The following NKAIN3 variants were observed in gnomAD, a reference collection of about 807,000 sequenced individuals.
NKAIN3 encodes the protein sodium/potassium transporting ATPase interacting 3.
In NKAIN3, 25 loss-of-function variants were observed where a neutral mutation model predicts 30.2. The ratio of observed to expected loss-of-function variants is 0.83; its 90% CI spans 0.60 to 1.16. The LOEUF is 1.16. Ranked by LOEUF, NKAIN3 falls within the 50% of genes most tolerant of loss-of-function variation. The probability of loss-of-function intolerance (pLI) is 0.00; values close to 1 mark genes in which losing one functional copy is unlikely to be tolerated. For synonymous variants in NKAIN3, 91 were observed against 89.6 expected (o/e 1.02, Z -0.09); for missense variants, 225 against 254.1 (o/e 0.89, Z 0.78).
At chr8:62,839,873 A>C (rs1353279796) in intron 4 of NKAIN3, among the ~76,000 whole-genome samples, 1 of 152,108 alleles carries the variant, frequency 6.6e-6, no homozygotes, top group Admixed American at 6.6e-5. Context: ...TTGGCCTCCC[A>C]AAGTGCTGAA....
intron 3 of NKAIN3, among the ~76,000 whole-genome samples, chr8:62,733,394 G>A (rs2130549660): frequency 6.6e-6 from 1 of 152,120 alleles, no homozygotes; most frequent in East Asian, 1.9e-4. Flanking sequence ...AAATGCTTTT[G>A]TTTCATCATT....
chr8:62,766,338 G>A (rs571620291), intron 4 of NKAIN3, among the ~76,000 whole-genome samples: 3 of 152,046 alleles, frequency 2.0e-5, no homozygotes, highest in South Asian at 2.1e-4. Flanking sequence ...AATGCTATTC[G>A]GCTTGCCTAG....
At chr8:62,714,274 A>G (rs1814818462) in intron 3 of NKAIN3, among the ~76,000 whole-genome samples, 1 of 152,102 alleles carries the variant, frequency 6.6e-6, no homozygotes. Context: ...TATTTTTAAA[A>G]AGTAAAATAA....
At chr8:62,664,435 A>G (rs1156978064) in intron 3 of NKAIN3, among the ~76,000 whole-genome samples, 2 of 152,122 alleles carry the variant, frequency 1.3e-5, no homozygotes, top group Non-Finnish European at 2.9e-5. Context: ...TGCCCTTGTC[A>G]AGATCTCCTC....
chr8:62,780,275 G>C (rs1001576599), intron 4 of NKAIN3, among the ~76,000 whole-genome samples: 21 of 152,224 alleles, frequency 1.4e-4, no homozygotes, highest in African/African-American at 4.6e-4. Context: ...TAAATAGTGA[G>C]TAATGAGATT....
At chr8:62,744,610 GTTC>G (rs1267053531) in intron 3 of NKAIN3, among the ~76,000 whole-genome samples, 2 of 152,168 alleles carry the variant, frequency 1.3e-5, no homozygotes, top group East Asian at 3.9e-4. Flanking sequence ...ATAATGTATA[GTTC>G]TTCTGTAATG....
At chr8:62,582,107 C>G (rs1486424369) in intron 2 of NKAIN3, among the ~76,000 whole-genome samples, 3 of 139,962 alleles carry the variant, frequency 2.1e-5, no homozygotes, top group African/African-American at 8.1e-5. Context: ...GTCTTTCCTT[C>G]CTTCTTTCCT....
chr8:62,715,333 A>G (rs1220655596), intron 3 of NKAIN3, among the ~76,000 whole-genome samples: 2 of 152,184 alleles, frequency 1.3e-5, no homozygotes, highest in Admixed American at 6.5e-5. Flanking sequence ...GACTAATGTG[A>G]TAATGTCATA....
chr8:62,380,476 G>T (rs1227586126), intron 1 of NKAIN3, among the ~76,000 whole-genome samples: 1 of 152,156 alleles, frequency 6.6e-6, no homozygotes. Context: ...TCCAGCAGGT[G>T]CATGCCCCAC....
intron 3 of NKAIN3, among the ~76,000 whole-genome samples, chr8:62,717,163 A>G (rs924675271): frequency 1.5e-4 from 23 of 152,318 alleles, no homozygotes; most frequent in African/African-American, 5.1e-4. Flanking sequence ...CAGAATGTAG[A>G]GTGTGAAGAG....
chr8:62,413,321 ATGTC>A (rs1222454782), intron 1 of NKAIN3, among the ~76,000 whole-genome samples: 1 of 152,168 alleles, frequency 6.6e-6, no homozygotes, highest in Non-Finnish European at 1.5e-5. Context: ...GTAAGCACAC[ATGTC>A]TGGAGTGTGG....
chr8:62,419,113 A>G lies in NKAIN3; in HGVS notation c.55-160426A>G, dbSNP rs1412679140. On this transcript the variant is annotated intron_variant, in intron 1 of 6. Coordinates refer to ENST00000623646, the MANE Select transcript of NKAIN3 (RefSeq NM_001304533.3). ...AGTCTAACTAAAGGGACGTAGGACTATATACTGGCCATTGATTCAGTGCAT... is the reference window on the plus strand; with the variant it reads ...AGTCTAACTAAAGGGACGTAGGACTGTATACTGGCCATTGATTCAGTGCAT... Among the ~76,000 whole-genome samples, 9 of 152,270 alleles carry G rather than the reference A, an allele frequency of 5.9e-5. No individual in the cohort carries two copies. In the East Asian group the frequency reaches 1.7e-3, roughly 29 times the overall value.
chr8:62,596,802 A>T (rs554066772), intron 3 of NKAIN3, among the ~76,000 whole-genome samples: 3 of 152,072 alleles, frequency 2.0e-5, no homozygotes, highest in Non-Finnish European at 4.4e-5. Flanking sequence ...CTCGAACAGC[A>T]TAGGTTTGAG....
At chr8:62,849,681 A>C (rs1426893412) in intron 4 of NKAIN3, among the ~76,000 whole-genome samples, 1 of 129,616 alleles carries the variant, frequency 7.7e-6, no homozygotes, top group Non-Finnish European at 1.5e-5. Context: ...TTCACTTCCC[A>C]CCTATGAGTG....
At chr8:62,851,932 T>C (rs917158169) in intron 4 of NKAIN3, among the ~76,000 whole-genome samples, 2 of 151,936 alleles carry the variant, frequency 1.3e-5, no homozygotes, top group Non-Finnish European at 2.9e-5. Context: ...TTTGTTGTGT[T>C]TCTGCCAGGC....
At chr8:62,684,256 A>G (rs1189301488) in intron 3 of NKAIN3, among the ~76,000 whole-genome samples, 1 of 152,092 alleles carries the variant, frequency 6.6e-6, no homozygotes, top group Non-Finnish European at 1.5e-5. Flanking sequence ...CAGCACAGAA[A>G]TTCTGGTGTC....
chr8:62,317,820 A>C (rs1369077817), intron 1 of NKAIN3, among the ~76,000 whole-genome samples: 1 of 152,202 alleles, frequency 6.6e-6, no homozygotes, highest in Non-Finnish European at 1.5e-5. Flanking sequence ...GAAGAAAGTC[A>C]TTGGTAGCTT....
chr8:62,697,225 CT>C (rs1814184489), intron 3 of NKAIN3, among the ~76,000 whole-genome samples: 1 of 152,180 alleles, frequency 6.6e-6, no homozygotes, highest in Non-Finnish European at 1.5e-5. Context: ...ATCTACAGAG[CT>C]ATCTCTTCCC....
chr8:62,275,826 G>T (rs558760232), intron 1 of NKAIN3, among the ~76,000 whole-genome samples: 2 of 152,032 alleles, frequency 1.3e-5, no homozygotes, highest in Non-Finnish European at 2.9e-5. Context: ...ATATTGAATA[G>T]TATCGACTCT....
Sources: gnomAD v4.1 joint callset for allele counts (sites outside exome capture counted in the v4.1 genomes callset) on GRCh38, gnomAD v4.1.1 for gene constraint, MANE v1.5 for transcripts, NCBI Gene and HGNC (gene_info 2026-07-23, HGNC 2026-07-21) for gene names.